The following STON2 variants were observed in gnomAD, a reference collection of about 807,000 sequenced individuals.
STON2 encodes the protein stonin 2.
STON2 carries 29 observed loss-of-function variants against 65.7 expected under a neutral mutation model. The observed-to-expected ratio is 0.44, with a 90% CI of 0.33 to 0.60. The LOEUF (loss-of-function observed/expected upper bound fraction) is 0.60, where lower values mean the gene tolerates loss of function less well. Among genes scored for constraint, STON2 ranks in the 20% least tolerant of loss-of-function variants. STON2 has a pLI of 0.03. For synonymous variants in STON2, 404 were observed against 414.2 expected, an observed-to-expected ratio of 0.98 and a Z score of 0.30; for missense variants, 1,054 against 1,118.1, an observed-to-expected ratio of 0.94 and a Z score of 0.82.
At chr14:81,333,262 T>C in intron 4 of STON2, 1 of 732,460 alleles carries the variant, frequency 1.4e-6, no homozygotes, top group African/African-American at 1.7e-5. Context: ...TACGGTACTG[T>C]TGCCTTCCCG....
Position 81,395,964 on chromosome 14 carries a change from G to C in STON2, c.303C>G (p.Asn101Lys), listed in dbSNP as rs1469717365. The change falls in exon 3 of 8, where the codon AAC (asparagine) becomes AAG (lysine). Residue 101 changes from asparagine (N) to lysine (K), a missense_variant. Coordinates refer to ENST00000614646, the MANE Select transcript of STON2 (RefSeq NM_001394390.1). ...PPPDLASAIS[N>K]WVQFEDDTPW... ...GTGTGTCATCTTCAAACTGAACCCA[G>C]TTGCTGATGGCCGAGGCCAGGTCAG... 1 of 1,614,064 alleles carries C rather than the reference G, an allele frequency of 6.2e-7. No individual in the cohort carries two copies. The highest frequency in any genetic ancestry group is 8.5e-7 in the Non-Finnish European group (1 of 1,180,032).
chr14:81,415,671 A>AGC (rs1267613483), intron 2 of STON2, among the ~76,000 whole-genome samples: 4 of 148,200 alleles, frequency 2.7e-5, no homozygotes, highest in Non-Finnish European at 6.0e-5. Flanking sequence ...TCCATCGCAA[A>AGC]AAAAAAAAAA....
At chr14:81,372,173 T>A (rs1595409718) in intron 3 of STON2, among the ~76,000 whole-genome samples, 1 of 152,296 alleles carries the variant, frequency 6.6e-6, no homozygotes, top group Admixed American at 6.5e-5. Context: ...TTTTTTAAAG[T>A]CTTTCAAATT....
chr14:81,268,990 C>T (rs1215211369), intron 7 of STON2, among the ~76,000 whole-genome samples: 3 of 152,078 alleles, frequency 2.0e-5, no homozygotes, highest in Non-Finnish European at 2.9e-5. Context: ...GTTTGTACCC[C>T]CTCAATACTT....
Position 81,348,210 on chromosome 14 carries a change from A to G in STON2, c.571+22778T>C, listed in dbSNP as rs180995918. On this transcript the variant is annotated intron_variant, in intron 4 of 7. Coordinates refer to ENST00000614646, the MANE Select transcript of STON2 (RefSeq NM_001394390.1). Reference sequence around the variant, plus strand: ...TTCCTCTCAGAACTGGAACAAGCAAAGATGCCCACTTTCACCACTCCTATT... The same window carrying G: ...TTCCTCTCAGAACTGGAACAAGCAAGGATGCCCACTTTCACCACTCCTATT... Among the ~76,000 whole-genome samples, 4 of 152,278 alleles carry G rather than the reference A, an allele frequency of 2.6e-5. No individual in the cohort carries two copies. In the East Asian group the frequency reaches 7.7e-4, roughly 29 times the overall value.
intron 4 of STON2, among the ~76,000 whole-genome samples, chr14:81,338,534 C>T (rs1239695746): frequency 2.0e-5 from 3 of 152,088 alleles, no homozygotes; most frequent in Non-Finnish European, 4.4e-5. Flanking sequence ...TTCTGTGAAC[C>T]TCTCTAGCAA....
intron 5 of STON2, among the ~76,000 whole-genome samples, chr14:81,284,719 C>T (rs1037951321): frequency 2.0e-5 from 3 of 152,082 alleles, no homozygotes; most frequent in African/African-American, 7.2e-5. Context: ...GAAGAAGATG[C>T]CATCTAGGAT....
At chr14:81,336,453 A>T (rs77595387) in intron 4 of STON2, among the ~76,000 whole-genome samples, 1,924 of 152,216 alleles carry the variant, frequency 0.013, 36 homozygotes, top group African/African-American at 0.043. Flanking sequence ...ATACCATAAC[A>T]CAGGAGTACC....
At chr14:81,371,687 AAAAAGAAAAG>A (rs1284942593) in intron 3 of STON2, among the ~76,000 whole-genome samples, 6 of 146,812 alleles carry the variant, frequency 4.1e-5, no homozygotes, top group African/African-American at 1.5e-4. Flanking sequence ...AAAAAAAAAA[AAAAAGAAAAG>A]AAAAGAAAAG....
chr14:81,386,314 G>C (rs1899800870), intron 3 of STON2, among the ~76,000 whole-genome samples: 2 of 152,142 alleles, frequency 1.3e-5, no homozygotes, highest in African/African-American at 4.8e-5. Context: ...CAAAAGGGTT[G>C]GGATATCTTA....
intron 5 of STON2, among the ~76,000 whole-genome samples, chr14:81,314,025 C>T (rs1368396952): frequency 6.6e-6 from 1 of 152,126 alleles, no homozygotes; most frequent in Non-Finnish European, 1.5e-5. Context: ...AAGAAGTAAG[C>T]GACAGAGCCT....
intron 1 of STON2, among the ~76,000 whole-genome samples, chr14:81,429,464 T>C (rs1026068366): frequency 5.9e-5 from 9 of 152,232 alleles, no homozygotes; most frequent in African/African-American, 1.9e-4. Context: ...GCTTTCCTAT[T>C]AATACAATGA....
intron 4 of STON2, among the ~76,000 whole-genome samples, chr14:81,366,571 G>C (rs984148219): frequency 1.3e-5 from 2 of 152,010 alleles, no homozygotes; most frequent in African/African-American, 4.8e-5. Flanking sequence ...GGGCACGGCA[G>C]GGGGTGGGGG....
At position 81,350,682 on chromosome 14, in the gene STON2, T is replaced by C. The variant is rs149515127; in HGVS notation, c.571+20306A>G. ...TCGACTAAATAATCTCTTAAGTTTC[T>C]TCTAACTTTAAAGGTCTGAGATGCT... is the stretch of plus-strand genomic sequence containing the variant. On this transcript the variant is annotated intron_variant, in intron 4 of 7. Coordinates refer to ENST00000614646, the MANE Select transcript of STON2 (RefSeq NM_001394390.1). 7.9e-5 allele frequency among the ~76,000 whole-genome samples: 12 copies of C among 152,264 alleles called. 1 individual carries two copies. The highest frequency in any genetic ancestry group is 4.1e-4 in the South Asian group (2 of 4,824).
At chr14:81,365,260 A>C (rs1898668670) in intron 4 of STON2, among the ~76,000 whole-genome samples, 1 of 152,138 alleles carries the variant, frequency 6.6e-6, no homozygotes, top group Non-Finnish European at 1.5e-5. Flanking sequence ...TCTCTTCTTC[A>C]GTCTCGTGAA....
intron 5 of STON2, among the ~76,000 whole-genome samples, chr14:81,294,292 T>C (rs988869712): frequency 6.6e-6 from 1 of 152,192 alleles, no homozygotes; most frequent in Non-Finnish European, 1.5e-5. Context: ...TTCTGTAAGT[T>C]TGGAGAAAAG....
intron 4 of STON2, among the ~76,000 whole-genome samples, chr14:81,336,632 G>T (rs80047569): frequency 0.013 from 1,923 of 151,980 alleles, 35 homozygotes; most frequent in African/African-American, 0.043. Flanking sequence ...TCACCATGGG[G>T]AAAGGAGACT....
intron 2 of STON2, among the ~76,000 whole-genome samples, chr14:81,410,393 T>C (rs1273652200): frequency 1.3e-5 from 2 of 151,666 alleles, no homozygotes; most frequent in Non-Finnish European, 2.9e-5. Context: ...TATGTTATAC[T>C]GCATGGCAAA....
At chr14:81,371,274 C>T in intron 3 of STON2, 89 bp from the exon 4 acceptor site, 12 of 1,238,546 alleles carry the variant, frequency 9.7e-6, no homozygotes, top group Non-Finnish European at 1.3e-5. Context: ...ATGTTGCTCA[C>T]ATCATATGAA....
Sources: allele counts gnomAD v4.1 joint callset (sites outside exome capture counted in the v4.1 genomes callset), GRCh38; gene constraint gnomAD v4.1.1; transcripts MANE v1.5; gene names NCBI Gene and HGNC (gene_info 2026-07-23, HGNC 2026-07-21).